The following DNAH1 variants were observed in gnomAD, a reference collection of about 807,000 sequenced individuals.
The protein encoded by DNAH1 is axonemal beta dynein heavy chain 1.
Under a neutral mutation model 484.3 loss-of-function variants are expected in DNAH1, and 327 were observed. The observed-to-expected ratio is 0.68, with a 90% CI of 0.62 to 0.74. The LOEUF (loss-of-function observed/expected upper bound fraction) is 0.74. DNAH1 is among the 30% of genes least tolerant of loss of function. The probability of loss-of-function intolerance (pLI) is 0.00; values close to 1 mark genes in which losing one functional copy is unlikely to be tolerated. For missense variants in DNAH1, 5,052 were observed against 5,546.8 expected (o/e 0.91, Z 2.83); for synonymous variants, 2,192 against 2,191.9 (o/e 1.00, Z 0.00).
At chr3:52,346,916 T>G in intron 11 of DNAH1, 146 bp downstream of exon 11, 1 of 863,936 alleles carries the variant, frequency 1.2e-6, no homozygotes, top group Non-Finnish European at 1.8e-6. Context: ...TGCAGGCTGC[T>G]GGGCAATGTC....
At position 52,396,873 on chromosome 3, in the gene DNAH1, C is replaced by T; in HGVS notation, c.11616C>T (p.Leu3872=). The change falls in exon 73 of 78, where the codon CTC becomes CTT. Residue 3872 remains leucine (L), a synonymous_variant. Coordinates refer to ENST00000420323, the MANE Select transcript of DNAH1 (RefSeq NM_015512.5). ...DEYDDIPYKV[L]KYTAGEINYG... is the part of the protein sequence containing the mutation. ...CTCACCCACCCACCCCATAGGTCCT[C>T]AAGTACACGGCAGGGGAGATCAATT... 2 of 1,611,548 alleles carry T rather than the reference C, an allele frequency of 1.2e-6. No individual in the cohort carries two copies. Among genetic ancestry groups the T allele is most frequent in the African/African-American group, 1.3e-5 (1 of 74,942 alleles).
intron 66 of DNAH1, among the ~76,000 whole-genome samples, chr3:52,393,750 T>C (rs1403328421): frequency 6.6e-6 from 1 of 152,078 alleles, no homozygotes; most frequent in African/African-American, 2.4e-5. Flanking sequence ...AATACAAAAA[T>C]TAGCTGGGTG....
intron 22 of DNAH1, among the ~76,000 whole-genome samples, chr3:52,357,195 G>A (rs1248518341): frequency 6.6e-6 from 1 of 152,054 alleles, no homozygotes; most frequent in East Asian, 1.9e-4. Context: ...GGGATTACAG[G>A]CATGCGCCAC....
At chr3:52,347,219 G>T (rs759410933) in intron 11 of DNAH1, among the ~76,000 whole-genome samples, 2 of 150,562 alleles carry the variant, frequency 1.3e-5, no homozygotes, top group African/African-American at 2.4e-5. Context: ...ATGAGGCGAT[G>T]TGAGGTGGAG....
At chr3:52,329,181 C>A (rs1039477618) in intron 6 of DNAH1, among the ~76,000 whole-genome samples, 6 of 152,156 alleles carry the variant, frequency 3.9e-5, no homozygotes, top group African/African-American at 1.4e-4. Flanking sequence ...CAAGTAGCAG[C>A]CTCCATCGAG....
Position 52,326,327 on chromosome 3 carries a change from G to C in DNAH1, c.581+13G>C, listed in dbSNP as rs919716008. On this transcript the variant is annotated intron_variant, in intron 4 of 77. Coordinates refer to ENST00000420323, the MANE Select transcript of DNAH1 (RefSeq NM_015512.5). ...TTGAGATCGAGAGGTACGGCTGGGTGGGCTGTGGGGAGACTGTCGGGGAGG... is the reference window on the plus strand; with the variant it reads ...TTGAGATCGAGAGGTACGGCTGGGTCGGCTGTGGGGAGACTGTCGGGGAGG... 1.3e-6 allele frequency: 2 copies of C among 1,598,760 alleles called. No individual in the cohort carries two copies. The highest frequency in any genetic ancestry group is 2.7e-5 in the African/African-American group (2 of 74,998).
rs1436847787 is a variant in DNAH1, at chr3:52,396,614, C to A, written c.11431-4C>A. On this transcript the variant is annotated splice_region_variant and splice_polypyrimidine_tract_variant and intron_variant, in intron 71 of 77. Coordinates refer to ENST00000420323, the MANE Select transcript of DNAH1 (RefSeq NM_015512.5). ...TCACCTCCCCTGCCTCCCACCTCCCCCAGGTGATGGAGTTCAAGTCTCTGC... is the reference window on the plus strand; with the variant it reads ...TCACCTCCCCTGCCTCCCACCTCCCACAGGTGATGGAGTTCAAGTCTCTGC... 6.2e-7 allele frequency: 1 copy of A among 1,611,820 alleles called. No individual in the cohort carries two copies. The highest frequency in any genetic ancestry group is 2.2e-5 in the East Asian group (1 of 44,822).
chr3:52,353,167 C>T lies in DNAH1; in HGVS notation c.3092C>T (p.Ser1031Phe). ...QPYLDLWTTA[S>F]DWLRWSESWM... Reference sequence around the variant, plus strand: ...TACCTGGACCTTTGGACCACAGCGTCTGACTGGCTGCGCTGGTCGGAGAGC... The same window carrying T: ...TACCTGGACCTTTGGACCACAGCGTTTGACTGGCTGCGCTGGTCGGAGAGC... Residue 1031 changes from serine (S) to phenylalanine (F), a missense_variant, in exon 19 of 78, where the codon TCT (serine) becomes TTT (phenylalanine). Transcript: ENST00000420323. The surrounding 1 kb of genome is among the most constrained non-coding windows in gnomAD (Gnocchi z 5.0). 6.2e-7 allele frequency: 1 copy of T among 1,614,034 alleles called. No homozygotes were observed. The highest frequency in any genetic ancestry group is 8.5e-7 in the Non-Finnish European group (1 of 1,179,902).
chr3:52,370,147 T>C lies in DNAH1; in HGVS notation c.6176T>C (p.Val2059Ala), dbSNP rs774855832. 2 of 1,613,920 alleles carry C rather than the reference T, an allele frequency of 1.2e-6. No individual in the cohort carries two copies. The highest frequency in any genetic ancestry group is 3.3e-5 in the Admixed American group (2 of 60,026). Residue 2059 changes from valine to alanine, a missense_variant, in exon 39 of 78, where the codon GTG (valine) becomes GCG (alanine). Physicochemically the swap from Val to Ala is moderately conservative, Grantham distance 64. This residue lies in a region of DNAH1 where 2,929 missense variants were observed against 3,409.4 expected (regional missense o/e 0.86). Transcript: ENST00000420323. ...TTCGTTCGGTCCTCAGTGAAGGAGG[T>C]GATCGCCTCAACCAACTGCAACCTG... ...ISFVRSSVKE[V>A]IASTNCNLTM...
At chr3:52,333,640 G>A (rs2153223317) in intron 8 of DNAH1, among the ~76,000 whole-genome samples, 1 of 152,168 alleles carries the variant, frequency 6.6e-6, no homozygotes. Flanking sequence ...CACTCGCCTT[G>A]GCCTCCCAAA....
At chr3:52,322,012 A>G (rs984208227) in intron 1 of DNAH1, among the ~76,000 whole-genome samples, 2 of 151,894 alleles carry the variant, frequency 1.3e-5, no homozygotes, top group Non-Finnish European at 2.9e-5. Flanking sequence ...ATTTTAGGGA[A>G]ATTTATTGGG....
intron 17 of DNAH1, 28 bp from the exon 18 acceptor site, chr3:52,352,524 A>G (rs1702427386): frequency 6.3e-7 from 1 of 1,598,494 alleles, no homozygotes; most frequent in Non-Finnish European, 8.6e-7. Context: ...CTGCAGGGGC[A>G]TCTGACCCAT....
At chr3:52,340,685 T>G (rs550387841) in intron 8 of DNAH1, among the ~76,000 whole-genome samples, 19 of 152,212 alleles carry the variant, frequency 1.2e-4, no homozygotes, top group African/African-American at 4.6e-4. Flanking sequence ...TCCACCCACC[T>G]CGGCCTCCCA....
intron 2 of DNAH1, 115 bp downstream of exon 2, chr3:52,322,890 G>C (rs1450881860): frequency 2.1e-6 from 2 of 942,942 alleles, no homozygotes; most frequent in East Asian, 2.6e-5. Context: ...GCTGTCTATC[G>C]ATCTATCCAT....
Position 52,375,353 on chromosome 3 carries a change from G to C in DNAH1, c.7099G>C (p.Ala2367Pro), listed in dbSNP as rs199920193. Residue 2367 changes from alanine to proline, a missense_variant, in exon 45 of 78, where the codon GCT (alanine) becomes CCT (proline). Around this residue, in one of 4 missense-constraint regions of DNAH1, gnomAD observed 2,929 missense variants for 3,409.4 expected, o/e 0.86. Transcript: ENST00000420323. ...GCGTCACTTCAACTACCTGTCTTTC[G>C]CTGAGATGGACGAGGTCAGCAAGAA... is the stretch of plus-strand genomic sequence containing the variant. Reference protein sequence around the residue: ...LMRHFNYLSFAEMDEVSKKRI... With the variant: ...LMRHFNYLSFPEMDEVSKKRI... 5 of 1,613,648 alleles carry C rather than the reference G, an allele frequency of 3.1e-6. No individual in the cohort carries two copies. In the South Asian group the frequency reaches 3.3e-5, roughly 11 times the overall value.
intron 44 of DNAH1, chr3:52,373,952 G>T (rs1019949943): frequency 3.2e-6 from 4 of 1,259,696 alleles, no homozygotes; most frequent in Non-Finnish European, 4.6e-6. Flanking sequence ...AAGCAGGCTG[G>T]CTTCATCTAC....
chr3:52,353,453 G>T lies in DNAH1; in HGVS notation c.3300G>T (p.Gly1100=). Residue 1100 remains glycine, a synonymous_variant, in exon 20 of 78, where the codon GGG becomes GGT. Transcript: ENST00000420323. This position sits in a 1 kb window ranked among gnomAD's most constrained non-coding sequence, Gnocchi z 5.0. Reference sequence around the variant, plus strand: ...AACCATACATCCCACTGATCCAGGGGCTGCGCAACCCTGGCATGCGGATCC... The same window carrying T: ...AACCATACATCCCACTGATCCAGGGTCTGCGCAACCCTGGCATGCGGATCC... ...EFKPYIPLIQ[G]LRNPGMRIRH... is the part of the protein sequence containing the mutation. 6.2e-7 allele frequency: 1 copy of T among 1,613,924 alleles called. No homozygotes were observed.
rs934465278 is a variant in DNAH1 at position 52,392,373 on chromosome 3, C to T, written c.10053-91C>T. 5.7e-6 allele frequency: 7 copies of T among 1,221,982 alleles called. No homozygotes were observed. In the African/African-American group the frequency reaches 1.0e-4, roughly 18 times the overall value. 75.7% of individuals were successfully genotyped at this position (1,221,982 alleles called of 1,614,324 possible). A position where few individuals can be genotyped will look rare whatever the true frequency, so the allele number is the denominator to read the frequency against. On this transcript the variant is annotated intron_variant, in intron 63 of 77. Transcript: ENST00000420323. ...CAAGGATGCTGGGCTCTTGGAGCCC[C>T]AGAAGCACAGGTGGATGGGTGACCA...
At position 52,370,557 on chromosome 3, in the gene DNAH1, G is replaced by C. The variant is rs1222798741; in HGVS notation, c.6339G>C (p.Trp2113Cys). ...CCTGGTTCATCTTCTCCCTGATCTGGAGCGTGGGTGCCACTGGGGACAGCA... is the reference window on the plus strand; with the variant it reads ...CCTGGTTCATCTTCTCCCTGATCTGCAGCGTGGGTGCCACTGGGGACAGCA... ...IEPWFIFSLI[W>C]SVGATGDSSG... Residue 2113 changes from tryptophan (W) to cysteine (C), a missense_variant, in exon 40 of 78, where the codon TGG becomes TGC. Transcript: ENST00000420323. The C allele has an allele frequency of 6.2e-7, 1 of 1,613,916 alleles. No homozygotes were observed. The highest frequency in any genetic ancestry group is 2.2e-5 in the East Asian group (1 of 44,886).
Sources: gnomAD v4.1 joint callset for allele counts (sites outside exome capture counted in the v4.1 genomes callset) on GRCh38, gnomAD v4.1.1 for gene constraint, gnomAD v4.1.1 regional missense constraint, Gnocchi (gnomAD v3.1) non-coding constraint, MANE v1.5 for transcripts, NCBI Gene and HGNC (gene_info 2026-07-23, HGNC 2026-07-21) for gene names.